Variants in PRDM16 observed in about 807,000 individuals in gnomAD.
The protein encoded by PRDM16 is histone-lysine N-methyltransferase PRDM16.
A neutral mutation model predicts 110.6 loss-of-function variants in PRDM16; 23 were observed. The ratio of observed to expected loss-of-function variants is 0.21; its 90% CI spans 0.15 to 0.29. PRDM16 has a LOEUF of 0.29. Among genes scored for constraint, PRDM16 ranks in the 10% least tolerant of loss-of-function variants. The pLI, the probability that PRDM16 is intolerant of heterozygous loss-of-function variation, is 1.00. For missense variants in PRDM16, 1,615 were observed against 1,794.3 expected (o/e 0.90, Z 1.81); for synonymous variants, 799 against 781.8 (o/e 1.02, Z -0.37).
intron 8 of PRDM16, among the ~76,000 whole-genome samples, chr1:3,411,061 T>C (rs1056864110): frequency 2.6e-5 from 4 of 151,758 alleles, no homozygotes; most frequent in African/African-American, 9.7e-5. Context: ...CACACACATA[T>C]GTTTCCACAT....
intron 2 of PRDM16, among the ~76,000 whole-genome samples, chr1:3,189,458 C>T (rs973353389): frequency 3.9e-5 from 6 of 152,158 alleles, no homozygotes; most frequent in South Asian, 2.1e-4. Context: ...GCCAGCGTCA[C>T]GCCAGCAAGA....
chr1:3,183,398 C>T lies in PRDM16; in HGVS notation c.38-2727C>T, dbSNP rs570567135. ...TGCTGGAGCCTCCGTGCAGGCTTCC[C>T]GCTTTCTCCGGGCTTTAGGGCTGTT... On this transcript the variant is annotated intron_variant, in intron 1 of 16. Coordinates refer to ENST00000270722, the MANE Select transcript of PRDM16 (RefSeq NM_022114.4). 7.2e-5 allele frequency among the ~76,000 whole-genome samples: 11 copies of T among 152,336 alleles called. No homozygotes were observed. In the South Asian group the frequency reaches 1.9e-3, roughly 26 times the overall value.
Position 3,385,202 on chromosome 1 carries a change from G to A in PRDM16, c.489G>A (p.Ala163=), listed in dbSNP as rs746338723. 47 of 1,613,598 alleles carry A rather than the reference G, an allele frequency of 2.9e-5. No homozygotes were observed. Among genetic ancestry groups the A allele is most frequent in the East Asian group, 1.8e-4 (8 of 44,890 alleles). ...SEKFCVDANQ[A]GAGSWLKYIR... is the part of the protein sequence containing the mutation. ...AGTTCTGCGTGGATGCAAATCAGGC[G>A]GGGGCTGGCAGCTGGCTCAAGTACA... Residue 163 remains alanine, a synonymous_variant, in exon 4 of 17, where the codon GCG becomes GCA. Coordinates refer to ENST00000270722, the MANE Select transcript of PRDM16 (RefSeq NM_022114.4).
At chr1:3,084,346 GC>G (rs1419449215) in intron 1 of PRDM16, among the ~76,000 whole-genome samples, 1 of 152,166 alleles carries the variant, frequency 6.6e-6, no homozygotes, top group Non-Finnish European at 1.5e-5. Context: ...GAAGCATGGG[GC>G]CCAGTAAGAA....
intron 1 of PRDM16, among the ~76,000 whole-genome samples, chr1:3,117,087 A>G (rs932517390): frequency 2.0e-5 from 3 of 152,172 alleles, no homozygotes; most frequent in Non-Finnish European, 2.9e-5. Context: ...AGGGGCTCCT[A>G]TCGGGGGCTG....
intron 8 of PRDM16, among the ~76,000 whole-genome samples, chr1:3,410,456 A>G (rs1643666538): frequency 6.6e-6 from 1 of 152,154 alleles, no homozygotes; most frequent in African/African-American, 2.4e-5. Flanking sequence ...CCCTCTGCAT[A>G]GGGCTCCTGC....
chr1:3,203,882 A>C (rs1557526768), intron 2 of PRDM16, among the ~76,000 whole-genome samples: 1 of 152,120 alleles, frequency 6.6e-6, no homozygotes, highest in Admixed American at 6.5e-5. Flanking sequence ...GACATCAACT[A>C]TCTGGGCCTG....
intron 12 of PRDM16, among the ~76,000 whole-genome samples, chr1:3,419,139 C>T (rs1046258525): frequency 3.3e-5 from 5 of 152,214 alleles, no homozygotes; most frequent in Non-Finnish European, 7.3e-5. Context: ...CATCTCACGA[C>T]GGCCATAGCT....
At chr1:3,261,293 T>G (rs1640160061) in intron 3 of PRDM16, among the ~76,000 whole-genome samples, 1 of 152,140 alleles carries the variant, frequency 6.6e-6, no homozygotes, top group Non-Finnish European at 1.5e-5. Flanking sequence ...GCGAATTACT[T>G]TTTTCCTTTG....
chr1:3,197,208 G>A (rs1638501158), intron 2 of PRDM16, among the ~76,000 whole-genome samples: 2 of 152,186 alleles, frequency 1.3e-5, no homozygotes, highest in South Asian at 4.1e-4. Flanking sequence ...CCCAGGGAGG[G>A]AAAGAGTCAT....
intron 3 of PRDM16, among the ~76,000 whole-genome samples, chr1:3,324,073 A>G (rs1411442261): frequency 1.3e-5 from 2 of 152,180 alleles, no homozygotes; most frequent in African/African-American, 4.8e-5. Context: ...CAGCAGGGCC[A>G]GCCCCTCCTG....
At chr1:3,202,767 C>T (rs941676257) in intron 2 of PRDM16, among the ~76,000 whole-genome samples, 8 of 152,218 alleles carry the variant, frequency 5.3e-5, no homozygotes, top group Non-Finnish European at 7.3e-5. Flanking sequence ...GGCTCAGGCT[C>T]AGGCTCACAG....
intron 14 of PRDM16, 152 bp downstream of exon 14, chr1:3,426,377 T>C (rs1569775801): frequency 1.8e-6 from 1 of 570,096 alleles, no homozygotes; most frequent in Non-Finnish European, 3.0e-6. Flanking sequence ...GTGAGGCCCC[T>C]GGGCTCTGGG....
chr1:3,418,613 C>T (rs1282991431), intron 11 of PRDM16, 54 bp from the exon 12 acceptor site: 11 of 1,213,552 alleles, frequency 9.1e-6, no homozygotes, highest in Non-Finnish European at 1.2e-5. Context: ...TGGGAAATGG[C>T]CATGTAAGCC....
chr1:3,276,848 A>G (rs78695193), intron 3 of PRDM16, among the ~76,000 whole-genome samples: 3,992 of 152,302 alleles, frequency 0.026, 167 homozygotes, highest in African/African-American at 0.087. Flanking sequence ...CCTGAGGCCA[A>G]CCTAGTGATG....
At chr1:3,181,866 TTACACACGGTC>T (rs1390584105) in intron 1 of PRDM16, among the ~76,000 whole-genome samples, 78 of 100,188 alleles carry the variant, frequency 7.8e-4, no homozygotes, top group African/African-American at 1.9e-3. Context: ...ACACGCAGTC[TTACACACGGTC>T]TTGCACACGC....
chr1:3,401,372 A>C (rs1643464991), intron 5 of PRDM16, among the ~76,000 whole-genome samples: 1 of 152,202 alleles, frequency 6.6e-6, no homozygotes, highest in South Asian at 2.1e-4. Context: ...GACCAAGCTC[A>C]TGAAGACTCT....
intron 8 of PRDM16, among the ~76,000 whole-genome samples, chr1:3,410,557 T>C (rs1409416840): frequency 6.6e-6 from 1 of 152,078 alleles, no homozygotes; most frequent in Non-Finnish European, 1.5e-5. Flanking sequence ...GATCCCCGAG[T>C]TGGGGCCTCC....
chr1:3,230,729 C>G (rs1165697031), intron 2 of PRDM16, among the ~76,000 whole-genome samples: 1 of 152,254 alleles, frequency 6.6e-6, no homozygotes, highest in Non-Finnish European at 1.5e-5. Flanking sequence ...TTCCCAGCAG[C>G]CCTGCCTGCC....
Sources: gnomAD v4.1 joint callset for allele counts (sites outside exome capture counted in the v4.1 genomes callset) on GRCh38, gnomAD v4.1.1 for gene constraint, MANE v1.5 for transcripts, NCBI Gene and HGNC (gene_info 2026-07-23, HGNC 2026-07-21) for gene names.